The following TEAD1 variants were observed in gnomAD, a reference collection of about 807,000 sequenced individuals.
TEAD1 encodes transcriptional enhancer factor TEF-1.
A neutral mutation model predicts 54.9 loss-of-function variants in TEAD1; 9 were observed. The observed-to-expected ratio is 0.16, with a 90% confidence interval of 0.10 to 0.29. TEAD1 has a LOEUF of 0.29. TEAD1 is among the 10% of genes least tolerant of loss of function. TEAD1 has a pLI of 1.00. For synonymous variants in TEAD1, 200 were observed against 187.8 expected (o/e 1.07, Z -0.53); for missense variants, 387 against 535.9 (o/e 0.72, Z 2.74).
chr11:12,929,937 T>C (rs1428556505), intron 11 of TEAD1, among the ~76,000 whole-genome samples: 1 of 152,234 alleles, frequency 6.6e-6, no homozygotes, highest in East Asian at 1.9e-4. Flanking sequence ...CAACGCTTCT[T>C]AAAGCTCTCA....
intron 9 of TEAD1, among the ~76,000 whole-genome samples, chr11:12,885,375 A>G (rs955227848): frequency 6.6e-5 from 10 of 151,318 alleles, no homozygotes; most frequent in African/African-American, 2.4e-4. Context: ...AGCTGGGACT[A>G]CAGGCGCCCG....
At chr11:12,676,149 A>G (rs1337535587) in intron 2 of TEAD1, among the ~76,000 whole-genome samples, 1 of 152,250 alleles carries the variant, frequency 6.6e-6, no homozygotes, top group East Asian at 1.9e-4. Flanking sequence ...CCACATTTCA[A>G]AATAGTAAAA....
In TEAD1 at chr11:12,941,525, T is replaced by C. The variant is rs767438369; in HGVS notation, c.*4303T>C. Reference sequence around the variant, plus strand: ...TTATTTAAATCATCTGAGATGACAGTCAATTTTACAAACCAGGTACATATT... The same window carrying C: ...TTATTTAAATCATCTGAGATGACAGCCAATTTTACAAACCAGGTACATATT... On this transcript the variant is annotated 3_prime_UTR_variant, in exon 13 of 13. Transcript: ENST00000527636. The C allele has an allele frequency of 1.3e-5, 2 of 152,580 alleles. No individual in the cohort carries two copies. Among genetic ancestry groups the C allele is most frequent in the Non-Finnish European group, 2.9e-5 (2 of 68,044 alleles). The allele number at this position is 152,580 out of a possible 1,614,324, so 9.5% of individuals were successfully genotyped here.
intron 9 of TEAD1, among the ~76,000 whole-genome samples, chr11:12,893,525 C>G (rs1406595695): frequency 6.6e-6 from 1 of 152,216 alleles, no homozygotes; most frequent in Non-Finnish European, 1.5e-5. Context: ...AGACATTTCA[C>G]AGAGGCCCCA....
At chr11:12,873,233 C>G (rs1947790237) in intron 5 of TEAD1, among the ~76,000 whole-genome samples, 1 of 152,226 alleles carries the variant, frequency 6.6e-6, no homozygotes. Flanking sequence ...TTAGGTTCCT[C>G]TGGCCCCTTG....
chr11:12,935,015 A>T (rs1161031695), intron 12 of TEAD1, among the ~76,000 whole-genome samples: 1 of 152,158 alleles, frequency 6.6e-6, no homozygotes, highest in Non-Finnish European at 1.5e-5. Flanking sequence ...GGGGTATCCC[A>T]TGGGTACATA....
chr11:12,832,919 A>G (rs535998081), intron 3 of TEAD1, among the ~76,000 whole-genome samples: 9 of 152,228 alleles, frequency 5.9e-5, no homozygotes, highest in African/African-American at 2.2e-4. Context: ...CTTGGCTGTA[A>G]TTCCTCAGGG....
chr11:12,711,324 G>T (rs1379507547), intron 2 of TEAD1, among the ~76,000 whole-genome samples: 1 of 152,172 alleles, frequency 6.6e-6, no homozygotes, highest in Non-Finnish European at 1.5e-5. Context: ...AAGAGATTGA[G>T]GTAGTAATGA....
At chr11:12,675,145 C>G (rs1011200711) in intron 1 of TEAD1, among the ~76,000 whole-genome samples, 1 of 149,794 alleles carries the variant, frequency 6.7e-6, no homozygotes, top group African/African-American at 2.4e-5. Flanking sequence ...CTCCCGCCGC[C>G]TGCACGCGCA....
intron 2 of TEAD1, among the ~76,000 whole-genome samples, chr11:12,709,750 T>C (rs541487841): frequency 1.1e-4 from 16 of 152,296 alleles, no homozygotes; most frequent in Admixed American, 3.3e-4. Flanking sequence ...CTTGAACTCC[T>C]GGTCGTTAAC....
At chr11:12,778,062 C>T (rs1329775480) in intron 3 of TEAD1, among the ~76,000 whole-genome samples, 1 of 152,230 alleles carries the variant, frequency 6.6e-6, no homozygotes, top group Non-Finnish European at 1.5e-5. Flanking sequence ...GTTCTGAACA[C>T]TTAGCATTAA....
chr11:12,693,067 T>A (rs902287779), intron 2 of TEAD1, among the ~76,000 whole-genome samples: 1 of 152,186 alleles, frequency 6.6e-6, no homozygotes, highest in African/African-American at 2.4e-5. Context: ...AATCCATGAA[T>A]GAGGGAGGCT....
intron 9 of TEAD1, among the ~76,000 whole-genome samples, chr11:12,901,457 T>C (rs548707213): frequency 1.3e-5 from 2 of 152,308 alleles, no homozygotes; most frequent in East Asian, 3.9e-4. Context: ...AGCACTCTTA[T>C]TCCTGCTGGA....
chr11:12,841,475 A>G (rs1300171115), intron 3 of TEAD1, among the ~76,000 whole-genome samples: 3 of 152,204 alleles, frequency 2.0e-5, no homozygotes, highest in African/African-American at 7.2e-5. Flanking sequence ...CTCCAAGGGA[A>G]ACTCAATGGG....
In TEAD1 at chr11:12,938,145, T is replaced by G. The variant is rs912881164; in HGVS notation, c.*923T>G. 2 of 152,634 alleles carry G rather than the reference T, an allele frequency of 1.3e-5. No individual in the cohort carries two copies. The highest frequency in any genetic ancestry group is 2.9e-5 in the Non-Finnish European group (2 of 68,032). The allele number at this position is 152,634 out of a possible 1,614,324, so 9.5% of individuals were successfully genotyped here. On this transcript the variant is annotated 3_prime_UTR_variant, in exon 13 of 13. Coordinates refer to ENST00000527636, the MANE Select transcript of TEAD1 (RefSeq NM_021961.6). The stretch of plus-strand genomic sequence containing the variant: ...GTTATATTTTATATGGACGACCAAA[T>G]TTTTTATTAAGATGAGTAAATATTT...
At chr11:12,893,546 C>T (rs563817954) in intron 9 of TEAD1, among the ~76,000 whole-genome samples, 2 of 152,350 alleles carry the variant, frequency 1.3e-5, no homozygotes, top group East Asian at 3.9e-4. Context: ...GTCAGGCCCC[C>T]TCTGCTTTCT....
At chr11:12,715,090 A>G (rs1333469956) in intron 2 of TEAD1, among the ~76,000 whole-genome samples, 2 of 152,022 alleles carry the variant, frequency 1.3e-5, no homozygotes, top group Non-Finnish European at 2.9e-5. Context: ...AAACACAAAA[A>G]TCTCTACCCT....
intron 5 of TEAD1, among the ~76,000 whole-genome samples, chr11:12,873,845 C>G (rs151281970): frequency 6.6e-6 from 1 of 152,226 alleles, no homozygotes; most frequent in Non-Finnish European, 1.5e-5. Context: ...GAAAGAACAT[C>G]TGCAAGATTA....
intron 3 of TEAD1, among the ~76,000 whole-genome samples, chr11:12,859,856 A>G (rs1422154740): frequency 6.6e-6 from 1 of 152,184 alleles, no homozygotes; most frequent in African/African-American, 2.4e-5. Flanking sequence ...AGCCCGTATG[A>G]AAAAGACCTA....
Sources: gnomAD v4.1 joint callset for allele counts (sites outside exome capture counted in the v4.1 genomes callset) on GRCh38, gnomAD v4.1.1 for gene constraint, MANE v1.5 for transcripts, NCBI Gene and HGNC (gene_info 2026-07-23, HGNC 2026-07-21) for gene names.